The following WRN variants were observed in gnomAD, a reference collection of about 807,000 sequenced individuals.
WRN encodes the protein bifunctional 3'-5' exonuclease/ATP-dependent helicase WRN.
A neutral mutation model predicts 180.7 loss-of-function variants in WRN; 149 were observed. The observed-to-expected ratio is 0.82, with a 90% CI of 0.72 to 0.94. The LOEUF is 0.94. WRN is among the 40% of genes least tolerant of loss of function. WRN has a pLI of 0.00. For synonymous variants in WRN, 548 were observed against 568.9 expected, an observed-to-expected ratio of 0.96 and a Z score of 0.52; for missense variants, 1,661 against 1,700.1, an observed-to-expected ratio of 0.98 and a Z score of 0.40.
chr8:31,162,683 C>T (rs775115841), intron 33 of WRN, among the ~76,000 whole-genome samples: 14 of 152,284 alleles, frequency 9.2e-5, no homozygotes, highest in African/African-American at 3.1e-4. Context: ...ATGGGTGATG[C>T]TTTGCATTGT....
chr8:31,167,177 G>A lies in WRN; in HGVS notation c.4138G>A (p.Glu1380Lys). The A allele has an allele frequency of 6.2e-7, 1 of 1,613,290 alleles. No homozygotes were observed. The highest frequency in any genetic ancestry group is 8.5e-7 in the Non-Finnish European group (1 of 1,179,454). The change falls in exon 34 of 35, where the codon GAG (glutamate) becomes AAG (lysine). Residue 1380 changes from glutamate to lysine, a missense_variant. Physicochemically the swap from Glu to Lys is moderately conservative, Grantham distance 56 (BLOSUM62 1). Coordinates refer to ENST00000298139, the MANE Select transcript of WRN (RefSeq NM_000553.6). ...NKRRCFPGSEEICSSSKRSKE... is the reference protein window; with the variant it reads ...NKRRCFPGSEKICSSSKRSKE... ...AAGGAGATGTTTTCCCGGTTCTGAA[G>A]AGATCTGTTCAAGTTCTAAGAGAAG...
intron 19 of WRN, among the ~76,000 whole-genome samples, chr8:31,113,367 G>C (rs903823742): frequency 6.6e-6 from 1 of 152,124 alleles, no homozygotes; most frequent in Non-Finnish European, 1.5e-5. Context: ...TTGAAATGTA[G>C]GATTTGCTCC....
At chr8:31,054,174 A>G (rs966424483) in intron 1 of WRN, among the ~76,000 whole-genome samples, 1 of 152,158 alleles carries the variant, frequency 6.6e-6, no homozygotes, top group Non-Finnish European at 1.5e-5. Flanking sequence ...CATGAACCCA[A>G]TGCATTTTAA....
In WRN at chr8:31,168,031, G is replaced by C. The variant is rs1292215113; in HGVS notation, c.4191+801G>C. 2.0e-5 allele frequency among the ~76,000 whole-genome samples: 3 copies of C among 152,050 alleles called. No homozygotes were observed. In the East Asian group the frequency reaches 5.8e-4, roughly 29 times the overall value. The stretch of plus-strand genomic sequence containing the variant: ...ATTAGAGAATTAGGAATTACACTTA[G>C]TTCTAAGGTAATCTTTATAGGATGT... On this transcript the variant is annotated intron_variant, in intron 34 of 34. Coordinates refer to ENST00000298139, the MANE Select transcript of WRN (RefSeq NM_000553.6).
At chr8:31,155,878 T>G (rs568657675) in intron 32 of WRN, among the ~76,000 whole-genome samples, 13 of 152,316 alleles carry the variant, frequency 8.5e-5, no homozygotes, top group African/African-American at 2.9e-4. Context: ...TACACACCTC[T>G]TGTTCAGGTT....
chr8:31,156,308 A>G (rs1585535355), intron 32 of WRN, among the ~76,000 whole-genome samples: 1 of 152,180 alleles, frequency 6.6e-6, no homozygotes, highest in Admixed American at 6.5e-5. Flanking sequence ...GTCTTTTGGT[A>G]TTATTTGGTT....
chr8:31,161,768 G>A (rs1803626672), intron 33 of WRN, among the ~76,000 whole-genome samples: 2 of 150,724 alleles, frequency 1.3e-5, no homozygotes, highest in South Asian at 4.2e-4. Flanking sequence ...GAACCCAGGA[G>A]GTGGAGGTTG....
At chr8:31,055,195 T>C (rs1812223828) in intron 1 of WRN, among the ~76,000 whole-genome samples, 1 of 152,212 alleles carries the variant, frequency 6.6e-6, no homozygotes, top group Non-Finnish European at 1.5e-5. Flanking sequence ...TGTGTGTGCT[T>C]GTATCTTTAT....
At chr8:31,081,998 T>A (rs1463843038) in intron 9 of WRN, among the ~76,000 whole-genome samples, 1 of 152,196 alleles carries the variant, frequency 6.6e-6, no homozygotes, top group Non-Finnish European at 1.5e-5. Context: ...TGGACTCAAG[T>A]GATCCACCTG....
At chr8:31,051,836 A>G (rs1484320609) in intron 1 of WRN, among the ~76,000 whole-genome samples, 3 of 152,174 alleles carry the variant, frequency 2.0e-5, no homozygotes, top group Non-Finnish European at 2.9e-5. Context: ...TCTGTAGTCA[A>G]AGTTGGTAAG....
At chr8:31,154,597 A>ATT in intron 31 of WRN, 27 bp from the exon 32 acceptor site, 1 of 1,598,484 alleles carries the variant, frequency 6.3e-7, no homozygotes. Flanking sequence ...ATTACTGATC[A>ATT]TTTGTGCTAC....
chr8:31,129,855 A>G lies in WRN; in HGVS notation c.2826-2510A>G, dbSNP rs567740805. On this transcript the variant is annotated intron_variant, in intron 23 of 34. Coordinates refer to ENST00000298139, the MANE Select transcript of WRN (RefSeq NM_000553.6). The stretch of plus-strand genomic sequence containing the variant: ...CCCCGTCTCTACTAAAAATACAAAA[A>G]TCAGCTGGGCGTGGTGGCACGCGCC... Among the ~76,000 whole-genome samples the G allele has an allele frequency of 5.9e-5, 9 of 152,050 alleles. No individual in the cohort carries two copies. The South Asian group carries it at 1.9e-3, about 32-fold the overall frequency.
In WRN at chr8:31,062,888, G is replaced by A. The variant is rs573645183; in HGVS notation, c.210-1401G>A. 6.6e-5 allele frequency among the ~76,000 whole-genome samples: 10 copies of A among 152,056 alleles called. No individual in the cohort carries two copies. In the South Asian group the frequency reaches 2.1e-3, roughly 32 times the overall value. On this transcript the variant is annotated intron_variant, in intron 3 of 34. Coordinates refer to ENST00000298139, the MANE Select transcript of WRN (RefSeq NM_000553.6). ...GCTCTGTTATCCAGGCTGGAGTGCG[G>A]TGGCGAGATCATACTCAATGCAGCC...
intron 4 of WRN, 60 bp downstream of exon 4, chr8:31,064,494 C>A (rs1486689108): frequency 6.2e-7 from 1 of 1,608,188 alleles, no homozygotes; most frequent in Non-Finnish European, 8.5e-7. Flanking sequence ...CAACTTTATC[C>A]CTATAAAATT....
intron 18 of WRN, 44 bp downstream of exon 18, chr8:31,100,999 A>C (rs1469769672): frequency 6.6e-7 from 1 of 1,520,444 alleles, no homozygotes; most frequent in South Asian, 1.1e-5. Context: ...CATTCTTAAT[A>C]AGGAGAGCAT....
intron 6 of WRN, 115 bp downstream of exon 6, chr8:31,067,297 C>A: frequency 8.1e-7 from 1 of 1,233,820 alleles, no homozygotes; most frequent in Non-Finnish European, 1.1e-6. Flanking sequence ...TATTTTATAT[C>A]AATTTGGCAT....
rs7003607 is a variant in WRN at position 31,064,237 on chromosome 8, A to G, written c.210-52A>G. 0.063 allele frequency: 101,506 copies of G among 1,605,740 alleles called. 3,554 individuals are homozygous for G. The highest frequency in any genetic ancestry group is 0.13 in the African/African-American group (9,386 of 74,558). ...TTTTGAATTATGTCTTTAGTTATGC[A>G]GAAGTTTAAAATTTTAACATAAATT... On this transcript the variant is annotated intron_variant, in intron 3 of 34. Coordinates refer to ENST00000298139, the MANE Select transcript of WRN (RefSeq NM_000553.6).
At chr8:31,072,772 G>A (rs548198360) in intron 7 of WRN, among the ~76,000 whole-genome samples, 43 of 152,306 alleles carry the variant, frequency 2.8e-4, no homozygotes, top group Admixed American at 2.6e-3. Flanking sequence ...TATGTGTCAG[G>A]CACTGTTAGA....
intron 18 of WRN, among the ~76,000 whole-genome samples, chr8:31,111,078 C>T (rs1232010728): frequency 6.6e-6 from 1 of 151,876 alleles, no homozygotes; most frequent in Non-Finnish European, 1.5e-5. Context: ...ATCTCAGTAC[C>T]ACTGAAGAGA....
Sources: gnomAD v4.1 joint callset for allele counts (sites outside exome capture counted in the v4.1 genomes callset) on GRCh38, gnomAD v4.1.1 for gene constraint, MANE v1.5 for transcripts, NCBI Gene and HGNC (gene_info 2026-07-23, HGNC 2026-07-21) for gene names.